XIRP2: variants seen among roughly 807,000 people sequenced by gnomAD.
The protein encoded by XIRP2 is xin actin-binding repeat-containing protein 2.
A neutral mutation model predicts 277.0 loss-of-function variants in XIRP2; 236 were observed. That is an observed-to-expected ratio of 0.85 (90% CI 0.77 to 0.95). XIRP2 has a LOEUF of 0.95. Among genes scored for constraint, XIRP2 ranks in the 40% least tolerant of loss-of-function variants. The probability of loss-of-function intolerance (pLI) is 0.00; values close to 1 mark genes in which losing one functional copy is unlikely to be tolerated. For synonymous variants in XIRP2, 1,490 were observed against 1,416.5 expected, an observed-to-expected ratio of 1.05 and a Z score of -1.17; for missense variants, 4,640 against 4,157.5, an observed-to-expected ratio of 1.12 and a Z score of -3.19.
chr2:167,187,176 T>C, intron 3 of XIRP2: 2 of 910,558 alleles, frequency 2.2e-6, no homozygotes, highest in Non-Finnish European at 2.6e-6. Context: ...GGGAGTTTGA[T>C]TGACTGCACA....
At chr2:167,172,832 C>T (rs1340730321) in intron 3 of XIRP2, among the ~76,000 whole-genome samples, 1 of 152,114 alleles carries the variant, frequency 6.6e-6, no homozygotes, top group African/African-American at 2.4e-5. Flanking sequence ...TCATCCTCAG[C>T]TTACGAAGAT....
At chr2:167,101,596 T>A (rs981575611) in intron 2 of XIRP2, among the ~76,000 whole-genome samples, 14 of 152,176 alleles carry the variant, frequency 9.2e-5, no homozygotes, top group African/African-American at 3.4e-4. Context: ...CTGAGTTACT[T>A]CACTTCGCAT....
At chr2:166,948,549 T>C (rs1313474761) in intron 2 of XIRP2, among the ~76,000 whole-genome samples, 1 of 152,042 alleles carries the variant, frequency 6.6e-6, no homozygotes, top group Non-Finnish European at 1.5e-5. Context: ...ATAATCTTTG[T>C]GGGCTAAGAA....
intron 9 of XIRP2, among the ~76,000 whole-genome samples, chr2:167,253,398 AG>A (rs56672539): frequency 0.061 from 9,200 of 151,918 alleles, 315 homozygotes; most frequent in East Asian, 0.11. Context: ...AAAGCCAGTT[AG>A]ATTGAGGACA....
rs143988202 is a variant in XIRP2 at position 167,091,052 on chromosome 2, G to C, written c.409-44857G>C. Among the ~76,000 whole-genome samples, 443 of 152,106 alleles carry C rather than the reference G, an allele frequency of 2.9e-3. 5 individuals carry two copies. Among genetic ancestry groups the C allele is most frequent in the African/African-American group, 0.01 (422 of 41,458 alleles). ...AATCCCTAGAGAGCATTCTATTGTTGGTTTTCTAACATGGTTTCTAATGAG... is the reference window on the plus strand; with the variant it reads ...AATCCCTAGAGAGCATTCTATTGTTCGTTTTCTAACATGGTTTCTAATGAG... On this transcript the variant is annotated intron_variant, in intron 2 of 10. Transcript: ENST00000409195.
chr2:166,916,348 C>G (rs1425930584), intron 2 of XIRP2, among the ~76,000 whole-genome samples: 1 of 152,206 alleles, frequency 6.6e-6, no homozygotes, highest in Non-Finnish European at 1.5e-5. Context: ...GCAGTTACCT[C>G]TGTCAGCCCA....
intron 2 of XIRP2, among the ~76,000 whole-genome samples, chr2:166,942,928 T>A (rs894373112): frequency 6.6e-6 from 1 of 152,258 alleles, no homozygotes; most frequent in Non-Finnish European, 1.5e-5. Context: ...GCATCTCTTG[T>A]TGTTAGTAAT....
intron 2 of XIRP2, among the ~76,000 whole-genome samples, chr2:167,082,559 C>T (rs1474540506): frequency 1.3e-5 from 2 of 152,142 alleles, no homozygotes; most frequent in African/African-American, 4.8e-5. Flanking sequence ...TACAGTCCCA[C>T]CAACAGTGTA....
intron 3 of XIRP2, among the ~76,000 whole-genome samples, chr2:167,163,635 T>C (rs1692433164): frequency 6.6e-6 from 1 of 152,242 alleles, no homozygotes; most frequent in African/African-American, 2.4e-5. Context: ...ATTAGTCTTG[T>C]TTAATGAGCA....
Position 167,190,350 on chromosome 2 carries a change from C to T in XIRP2, c.563-20385C>T, listed in dbSNP as rs186626394. On this transcript the variant is annotated intron_variant, in intron 3 of 10. Coordinates refer to ENST00000409195, the MANE Select transcript of XIRP2 (RefSeq NM_152381.6). ...AATCACTTATTGTTTTTTCTGGCAA[C>T]CAGCCCCTATCCTGAAGCTACTCCC... 3.1e-3 allele frequency among the ~76,000 whole-genome samples: 468 copies of T among 152,162 alleles called. 5 individuals are homozygous for T. Among genetic ancestry groups the T allele is most frequent in the Non-Finnish European group, 2.3e-3 (159 of 68,008 alleles).
intron 2 of XIRP2, among the ~76,000 whole-genome samples, chr2:167,133,238 G>A (rs972110380): frequency 6.6e-6 from 1 of 152,194 alleles, no homozygotes; most frequent in Admixed American, 6.5e-5. Flanking sequence ...GAAGCACAGT[G>A]TATAAAACAG....
chr2:167,215,204 A>G lies in XIRP2; in HGVS notation c.724-2962A>G, dbSNP rs533675335. Among the ~76,000 whole-genome samples, 7 of 152,272 alleles carry G rather than the reference A, an allele frequency of 4.6e-5. No homozygotes were observed. In the South Asian group the frequency reaches 1.5e-3, roughly 32 times the overall value. ...CTTCCCCTTTTTCACTGTATCTTAA[A>G]TTTCAAAAGGGGTGCTGTACATTTT... On this transcript the variant is annotated intron_variant, in intron 4 of 10. Transcript: ENST00000409195.
At chr2:167,197,578 C>T (rs16853201) in intron 3 of XIRP2, among the ~76,000 whole-genome samples, 11,519 of 151,992 alleles carry the variant, frequency 0.076, 497 homozygotes, top group South Asian at 0.15. Context: ...CTCTGCCACT[C>T]ACTATTAGGG....
Position 167,138,954 on chromosome 2 carries a change from C to G in XIRP2, c.562+2892C>G, listed in dbSNP as rs202233847. Among the ~76,000 whole-genome samples the G allele has an allele frequency of 2.2e-4, 34 of 152,166 alleles. 2 individuals carry two copies. In the East Asian group the frequency reaches 4.8e-3, roughly 22 times the overall value. ...TGATAGTGGGTGCCTGTAATCTCAG[C>G]TACTCGGGAGGCTGAGGCAGGAGAA... On this transcript the variant is annotated intron_variant, in intron 3 of 10. Coordinates refer to ENST00000409195, the MANE Select transcript of XIRP2 (RefSeq NM_152381.6).
At chr2:167,011,570 G>A (rs910869341) in intron 2 of XIRP2, among the ~76,000 whole-genome samples, 2 of 152,002 alleles carry the variant, frequency 1.3e-5, no homozygotes, top group Non-Finnish European at 2.9e-5. Flanking sequence ...TTGGTATCAG[G>A]ATGATGCTGG....
At chr2:167,006,242 T>C (rs1687499345) in intron 2 of XIRP2, among the ~76,000 whole-genome samples, 2 of 151,624 alleles carry the variant, frequency 1.3e-5, no homozygotes, top group Non-Finnish European at 3.0e-5. Flanking sequence ...GTAAATGATG[T>C]TTGAAGCTAC....
chr2:167,105,513 T>A (rs1690594518), intron 2 of XIRP2, among the ~76,000 whole-genome samples: 1 of 151,948 alleles, frequency 6.6e-6, no homozygotes, highest in Admixed American at 6.6e-5. Flanking sequence ...TGTATAGTAT[T>A]CCATGATATA....
rs373158948 is a variant in XIRP2, at chr2:167,249,554, C to T, written c.8162C>T (p.Thr2721Ile). Residue 2721 changes from threonine (T) to isoleucine (I), a missense_variant, in exon 9 of 11, where the codon ACA becomes ATA. Thr to Ile is a moderately conservative substitution (Grantham distance 89). Transcript: ENST00000409195. Reference protein sequence around the residue: ...KTIKLPTLDHTLNETDHSYES... With the variant: ...KTIKLPTLDHILNETDHSYES... Reference sequence around the variant, plus strand: ...ATCAAACTTCCAACTCTAGATCATACATTAAATGAAACAGACCACAGCTAT... The same window carrying T: ...ATCAAACTTCCAACTCTAGATCATATATTAAATGAAACAGACCACAGCTAT... 5.6e-6 allele frequency: 9 copies of T among 1,613,490 alleles called. No homozygotes were observed. The African/African-American group carries it at 8.0e-5, about 14-fold the overall frequency.
intron 2 of XIRP2, among the ~76,000 whole-genome samples, chr2:167,052,006 T>G (rs1379424712): frequency 6.6e-6 from 1 of 152,074 alleles, no homozygotes; most frequent in African/African-American, 2.4e-5. Context: ...TAAGCATATT[T>G]TTGGGTTATT....
Sources: gnomAD v4.1 joint callset for allele counts (sites outside exome capture counted in the v4.1 genomes callset) on GRCh38, gnomAD v4.1.1 for gene constraint, MANE v1.5 for transcripts, NCBI Gene and HGNC (gene_info 2026-07-23, HGNC 2026-07-21) for gene names.